The following RBFOX1 variants were observed in gnomAD, a reference collection of about 807,000 sequenced individuals.
RBFOX1 encodes the protein RNA binding fox-1 homolog 1, also known as RNA binding protein fox-1 homolog 1.
In RBFOX1, 8 loss-of-function variants were observed where a neutral mutation model predicts 57.7. The ratio of observed to expected loss-of-function variants is 0.14; its 90% CI spans 0.08 to 0.25. RBFOX1 has a LOEUF of 0.25. RBFOX1 is among the 10% of genes least tolerant of loss of function. The pLI is 1.00. For missense variants in RBFOX1, 611 were observed against 548.5 expected (o/e 1.11, Z -1.14); for synonymous variants, 326 against 222.4 (o/e 1.47, Z -4.15).
At chr16:5,574,811 A>G (rs949664398) in intron 2 of RBFOX1, among the ~76,000 whole-genome samples, 1 of 152,170 alleles carries the variant, frequency 6.6e-6, no homozygotes, top group Admixed American at 6.5e-5. Context: ...CTGGAAAGGC[A>G]TTATTTTGTT....
In RBFOX1 at chr16:7,576,963, A is replaced by C. The variant is rs111935001; in HGVS notation, c.271-2814A>C. Among the ~76,000 whole-genome samples, 581 of 152,314 alleles carry C rather than the reference A, an allele frequency of 3.8e-3. 4 individuals are homozygous for C. Among genetic ancestry groups the C allele is most frequent in the African/African-American group, 0.013 (551 of 41,562 alleles). On this transcript the variant is annotated intron_variant, in intron 5 of 15. Coordinates refer to ENST00000550418, the MANE Select transcript of RBFOX1 (RefSeq NM_018723.4). ...AACCCCTTAACTTCTGAAAAGTGAC[A>C]GTTGCAGGATTCGAGCTCATTTCTG...
chr16:5,314,263 A>G (rs1223076394), intron 1 of RBFOX1, among the ~76,000 whole-genome samples: 1 of 152,220 alleles, frequency 6.6e-6, no homozygotes, highest in Admixed American at 6.5e-5. Flanking sequence ...TGCAGACCCA[A>G]CAGATAACCA....
At chr16:5,696,142 A>G (rs1435155720) in intron 3 of RBFOX1, among the ~76,000 whole-genome samples, 3 of 152,158 alleles carry the variant, frequency 2.0e-5, no homozygotes, top group Non-Finnish European at 2.9e-5. Flanking sequence ...TTATGTTTTA[A>G]TATTATTTTA....
intron 4 of RBFOX1, among the ~76,000 whole-genome samples, chr16:7,167,197 G>C (rs1380504720): frequency 6.6e-6 from 1 of 151,448 alleles, no homozygotes; most frequent in Non-Finnish European, 1.5e-5. Flanking sequence ...TGTTGGCCAG[G>C]CTGGTCTCAA....
chr16:7,499,982 G>A (rs1268133622), intron 4 of RBFOX1, among the ~76,000 whole-genome samples: 1 of 151,920 alleles, frequency 6.6e-6, no homozygotes, highest in Non-Finnish European at 1.5e-5. Flanking sequence ...AAAAACCCCT[G>A]GTTTTCCTTG....
At chr16:6,792,585 C>G (rs758377660) in intron 3 of RBFOX1, among the ~76,000 whole-genome samples, 2 of 152,180 alleles carry the variant, frequency 1.3e-5, no homozygotes, top group Non-Finnish European at 2.9e-5. Context: ...AGTACTGTGC[C>G]TCCTACTACG....
At position 6,160,599 on chromosome 16, in the gene RBFOX1, T is replaced by C. The variant is rs139154362; in HGVS notation, c.-127+140607T>C. On this transcript the variant is annotated intron_variant, in intron 1 of 15. Transcript: ENST00000550418. ...CATCCAGCCCGAGTCATGCTTTAAA[T>C]GCACGCATCTTCTCCTGTCTGTTCC... 3.4e-3 allele frequency among the ~76,000 whole-genome samples: 515 copies of C among 152,312 alleles called. 5 individuals carry two copies. Among genetic ancestry groups the C allele is most frequent in the South Asian group, 8.9e-3 (43 of 4,822 alleles).
chr16:6,751,951 A>G (rs957950389), intron 3 of RBFOX1, among the ~76,000 whole-genome samples: 1 of 152,178 alleles, frequency 6.6e-6, no homozygotes, highest in Non-Finnish European at 1.5e-5. Context: ...AATATTTTTA[A>G]TTGAGATTTT....
chr16:7,465,024 G>C (rs190734476), intron 4 of RBFOX1, among the ~76,000 whole-genome samples: 1 of 151,682 alleles, frequency 6.6e-6, no homozygotes, highest in Admixed American at 6.6e-5. Flanking sequence ...CCTTGGAATT[G>C]CCTTAAGCTA....
intron 1 of RBFOX1, among the ~76,000 whole-genome samples, chr16:6,161,580 G>A (rs915066931): frequency 6.6e-6 from 1 of 152,108 alleles, no homozygotes; most frequent in East Asian, 1.9e-4. Flanking sequence ...TGTCTGGAAA[G>A]GAATTGCATG....
rs138238804 is a variant in RBFOX1, at chr16:5,612,589, G to A, written c.318+13628G>A. Among the ~76,000 whole-genome samples, 538 of 152,372 alleles carry A rather than the reference G, an allele frequency of 3.5e-3. 2 individuals carry two copies. Among genetic ancestry groups the A allele is most frequent in the Admixed American group, 7.6e-3 (116 of 15,308 alleles). On this transcript the variant is annotated intron_variant, in intron 3 of 19. Coordinates refer to the RBFOX1 transcript ENST00000641259. Reference sequence around the variant, plus strand: ...GGCATACATGGTGGATATGTCTGGGGTTTTCCCAGGAGGAGGCTCATGAAC... The same window carrying A: ...GGCATACATGGTGGATATGTCTGGGATTTTCCCAGGAGGAGGCTCATGAAC...
Position 6,735,176 on chromosome 16 carries a change from A to G in RBFOX1, c.-16+80526A>G, listed in dbSNP as rs1199816612. ...CAAAAACAACAACAACATCAACAAC[A>G]ACAACATCAACAACGAAAACCAAAC... is the stretch of plus-strand genomic sequence containing the variant. On this transcript the variant is annotated intron_variant, in intron 3 of 15. Coordinates refer to ENST00000550418, the MANE Select transcript of RBFOX1 (RefSeq NM_018723.4). Among the ~76,000 whole-genome samples, 5 of 149,152 alleles carry G rather than the reference A, an allele frequency of 3.4e-5. 1 individual carries two copies. In the Middle Eastern group the frequency reaches 0.011, roughly 315 times the overall value.
At chr16:7,170,644 C>G (rs545056344) in intron 4 of RBFOX1, among the ~76,000 whole-genome samples, 2 of 152,186 alleles carry the variant, frequency 1.3e-5, no homozygotes, top group Non-Finnish European at 2.9e-5. Flanking sequence ...CTTTGGGTAT[C>G]TTTTAGCCCT....
At chr16:7,447,912 C>G (rs1273970570) in intron 4 of RBFOX1, among the ~76,000 whole-genome samples, 1 of 152,238 alleles carries the variant, frequency 6.6e-6, no homozygotes, top group Non-Finnish European at 1.5e-5. Flanking sequence ...GAGGGGCCAA[C>G]AGGCATCTGC....
intron 3 of RBFOX1, among the ~76,000 whole-genome samples, chr16:5,627,367 A>C (rs1025740414): frequency 2.0e-5 from 3 of 152,084 alleles, no homozygotes; most frequent in African/African-American, 7.3e-5. Context: ...CAGAAACCAA[A>C]TTGTGTATCC....
chr16:5,881,778 C>T (rs2057770283), intron 4 of RBFOX1, among the ~76,000 whole-genome samples: 1 of 152,158 alleles, frequency 6.6e-6, no homozygotes, highest in African/African-American at 2.4e-5. Flanking sequence ...CGCACTATTT[C>T]ACTTAATTCT....
At chr16:7,236,703 T>A (rs1360446498) in intron 4 of RBFOX1, among the ~76,000 whole-genome samples, 1 of 152,194 alleles carries the variant, frequency 6.6e-6, no homozygotes, top group Non-Finnish European at 1.5e-5. Context: ...CTTTTTTTTT[T>A]AATTTCTAAG....
intron 3 of RBFOX1, among the ~76,000 whole-genome samples, chr16:6,753,702 C>CTGTCTTG (rs2154193190): frequency 6.7e-6 from 1 of 150,042 alleles, no homozygotes; most frequent in African/African-American, 2.4e-5. Flanking sequence ...TGCCCTCCTC[C>CTGTCTTG]TGTCTTGTGT....
At chr16:7,462,814 G>T (rs145212637) in intron 4 of RBFOX1, among the ~76,000 whole-genome samples, 2 of 152,252 alleles carry the variant, frequency 1.3e-5, no homozygotes, top group African/African-American at 4.8e-5. Flanking sequence ...ACAGCTACTC[G>T]AGTCTCTTTT....
Sources: allele counts gnomAD v4.1 joint callset (sites outside exome capture counted in the v4.1 genomes callset), GRCh38; gene constraint gnomAD v4.1.1; transcripts MANE v1.5; gene names NCBI Gene and HGNC (gene_info 2026-07-23, HGNC 2026-07-21).